FBXW4: variants seen among roughly 807,000 people sequenced by gnomAD.
The protein encoded by FBXW4 is F-box and WD repeat domain containing 4, also known as F-box/WD repeat-containing protein 4.
In FBXW4, 40 loss-of-function variants were observed where a neutral mutation model predicts 61.8. The observed-to-expected ratio is 0.65, with a 90% CI of 0.50 to 0.84. FBXW4 has a LOEUF of 0.84. Among genes scored for constraint, FBXW4 ranks in the 40% least tolerant of loss-of-function variants. The pLI is 0.00. For synonymous variants in FBXW4, 311 were observed against 313.8 expected (o/e 0.99, Z 0.10); for missense variants, 672 against 753.8 (o/e 0.89, Z 1.27).
At position 101,611,229 on chromosome 10, in the gene FBXW4, A is replaced by G. The variant is rs959842190; in HGVS notation, c.*62T>C. 6.3e-7 allele frequency: 1 copy of G among 1,582,964 alleles called. No homozygotes were observed. The highest frequency in any genetic ancestry group is 1.7e-5 in the Admixed American group (1 of 57,926). ...AGGAGGAGCTATCACTGCACCCTCC[A>G]GGCAAGAGAAGTCCCTGAGTAGCTG... On this transcript the variant is annotated 3_prime_UTR_variant, in exon 9 of 9. Transcript: ENST00000331272. This position sits in a 1 kb window ranked among gnomAD's most constrained non-coding sequence, Gnocchi z 4.9.
At chr10:101,662,031 C>T (rs1387951876) in intron 5 of FBXW4, among the ~76,000 whole-genome samples, 5 of 152,168 alleles carry the variant, frequency 3.3e-5, no homozygotes, top group African/African-American at 9.7e-5. Context: ...AAGTACTCAG[C>T]GAGTTATGAA....
intron 5 of FBXW4, chr10:101,660,259 C>A (rs994472154): frequency 1.0e-6 from 1 of 984,692 alleles, no homozygotes; most frequent in African/African-American, 1.8e-5. Context: ...TCCCTTTGAA[C>A]CTCCGACTGC....
intron 2 of FBXW4, among the ~76,000 whole-genome samples, chr10:101,675,799 G>A (rs1313970561): frequency 6.6e-6 from 1 of 152,108 alleles, no homozygotes; most frequent in African/African-American, 2.4e-5. Context: ...AGTGCCACAG[G>A]CATTTTCTAA....
chr10:101,675,577 T>C (rs554413102), intron 2 of FBXW4, among the ~76,000 whole-genome samples: 8 of 152,202 alleles, frequency 5.3e-5, no homozygotes, highest in African/African-American at 1.9e-4. Context: ...GTGAAACCAG[T>C]GCAAACTGGA....
At chr10:101,681,644 G>A (rs920773192) in intron 1 of FBXW4, among the ~76,000 whole-genome samples, 12 of 148,714 alleles carry the variant, frequency 8.1e-5, no homozygotes, top group Non-Finnish European at 4.5e-5. Flanking sequence ...ATGAACCCGG[G>A]AGGCAGCGCT....
chr10:101,646,097 T>C (rs531712583), intron 5 of FBXW4, among the ~76,000 whole-genome samples: 1 of 152,312 alleles, frequency 6.6e-6, no homozygotes, highest in East Asian at 1.9e-4. Flanking sequence ...GGCCAGGCCA[T>C]AGAGCATCAA....
intron 7 of FBXW4, 91 bp downstream of exon 7, chr10:101,612,246 G>T: frequency 7.5e-7 from 1 of 1,331,226 alleles, no homozygotes; most frequent in Non-Finnish European, 9.7e-7. Flanking sequence ...GAGTCTCTGT[G>T]CCCTCTCCCA....
intron 5 of FBXW4, among the ~76,000 whole-genome samples, chr10:101,645,329 C>A (rs1223470835): frequency 6.6e-6 from 1 of 152,180 alleles, no homozygotes; most frequent in Non-Finnish European, 1.5e-5. Flanking sequence ...ATGAGAGGCC[C>A]ATGAAGATTC....
Position 101,681,398 on chromosome 10 carries a change from A to AAAT in FBXW4, c.726-4965_726-4963dup, listed in dbSNP as rs757513556. 1.6e-3 allele frequency among the ~76,000 whole-genome samples: 219 copies of AAAT among 136,066 alleles called. 1 individual carries two copies. The highest frequency in any genetic ancestry group is 4.0e-3 in the Middle Eastern group (1 of 248). The allele number at this position is 136,066 out of a possible 152,430, so 89.3% of individuals were successfully genotyped here. ...AGCGAAACTCCGTCTCAAAAAAAAAAAATAATAATAATAATAATAATAATA... is the reference window on the plus strand; with the variant it reads ...AGCGAAACTCCGTCTCAAAAAAAAAAAATAATAATAATAATAATAATAATAATA... On this transcript the variant is annotated intron_variant, in intron 1 of 8. Transcript: ENST00000331272.
intron 5 of FBXW4, among the ~76,000 whole-genome samples, chr10:101,630,925 C>T (rs898796403): frequency 3.3e-5 from 5 of 152,176 alleles, no homozygotes; most frequent in Admixed American, 6.5e-5. Flanking sequence ...AGAAGCTGCT[C>T]GAGTCACATC....
chr10:101,634,025 A>G (rs1382255385), intron 5 of FBXW4, among the ~76,000 whole-genome samples: 1 of 152,154 alleles, frequency 6.6e-6, no homozygotes. Flanking sequence ...AGGCAGGAGA[A>G]TCACTTGAAA....
intron 1 of FBXW4, among the ~76,000 whole-genome samples, chr10:101,682,115 G>C (rs2064484545): frequency 6.6e-6 from 1 of 152,202 alleles, no homozygotes; most frequent in Admixed American, 6.5e-5. Context: ...ATAGGTAGTA[G>C]ATAATATCCA....
chr10:101,650,905 G>A (rs987989164), intron 5 of FBXW4, among the ~76,000 whole-genome samples: 8 of 152,168 alleles, frequency 5.3e-5, no homozygotes, highest in Non-Finnish European at 7.4e-5. Context: ...CGAGAGACGC[G>A]GCCTGTTGGT....
At chr10:101,669,041 G>A (rs1355941936) in intron 4 of FBXW4, among the ~76,000 whole-genome samples, 2 of 152,162 alleles carry the variant, frequency 1.3e-5, no homozygotes, top group African/African-American at 4.8e-5. Flanking sequence ...GATGGAGTAG[G>A]GGTGGTCCTG....
intron 5 of FBXW4, among the ~76,000 whole-genome samples, chr10:101,652,371 C>T (rs946415962): frequency 3.3e-5 from 5 of 152,114 alleles, no homozygotes; most frequent in African/African-American, 1.2e-4. Context: ...TCTTGCTTCG[C>T]CCTGGATACC....
intron 5 of FBXW4, among the ~76,000 whole-genome samples, chr10:101,659,252 G>T (rs1050856301): frequency 6.6e-6 from 1 of 152,158 alleles, no homozygotes; most frequent in Non-Finnish European, 1.5e-5. Context: ...GGGCATGAGG[G>T]TGTCCACCTG....
Position 101,694,531 on chromosome 10 carries a change from A to C in FBXW4, c.575T>G (p.Leu192Arg). 6.7e-7 allele frequency: 1 copy of C among 1,500,488 alleles called. No homozygotes were observed. The highest frequency in any genetic ancestry group is 8.8e-7 in the Non-Finnish European group (1 of 1,133,414). 92.9% of individuals were successfully genotyped at this position (1,500,488 alleles called of 1,614,324 possible). A position where few individuals can be genotyped will look rare whatever the true frequency, so the allele number is the denominator to read the frequency against. ...CATGTCCAGGTAGGAGCAGATGAGC[A>C]GCAGCAGCTCCTCCGGCAGGCGCCA... is the stretch of plus-strand genomic sequence containing the variant. Reference protein sequence around the residue: ...ALWRLPEELLLLICSYLDMRA... With the variant: ...ALWRLPEELLRLICSYLDMRA... Residue 192 changes from leucine (L) to arginine (R), a missense_variant, in exon 1 of 9, where the codon CTG (leucine) becomes CGG (arginine). Physicochemically the swap from Leu to Arg is moderately radical, Grantham distance 102. This residue lies in a region of FBXW4 where 311 missense variants were observed against 301.1 expected (regional missense o/e 1.03). Transcript: ENST00000331272. The surrounding 1 kb of genome is among the most constrained non-coding windows in gnomAD (Gnocchi z 6.0).
intron 1 of FBXW4, among the ~76,000 whole-genome samples, chr10:101,693,957 C>T (rs975017123): frequency 1.1e-4 from 17 of 152,268 alleles, no homozygotes; most frequent in African/African-American, 3.9e-4. Context: ...TGAAAGTCCA[C>T]AAAAATTTAT....
At chr10:101,653,703 C>T (rs1429851415) in intron 5 of FBXW4, among the ~76,000 whole-genome samples, 2 of 152,166 alleles carry the variant, frequency 1.3e-5, no homozygotes, top group East Asian at 1.9e-4. Context: ...AATAAATTAT[C>T]GTTTCAGTAC....
Sources: allele counts gnomAD v4.1 joint callset (sites outside exome capture counted in the v4.1 genomes callset), GRCh38; gene constraint gnomAD v4.1.1; regional missense constraint gnomAD v4.1.1; non-coding constraint Gnocchi (gnomAD v3.1); transcripts MANE v1.5; gene names NCBI Gene and HGNC (gene_info 2026-07-23, HGNC 2026-07-21).